Variants in MATN4 observed in about 807,000 individuals in gnomAD.
MATN4 encodes matrilin-4.
Under a neutral mutation model 54.6 loss-of-function variants are expected in MATN4, and 40 were observed. That is an observed-to-expected ratio of 0.73 (90% CI 0.57 to 0.95). The LOEUF is 0.95. Among genes scored for constraint, MATN4 ranks in the 40% least tolerant of loss-of-function variants. MATN4 has a pLI of 0.00. For synonymous variants in MATN4, 351 were observed against 345.3 expected (o/e 1.02, Z -0.18); for missense variants, 810 against 819.1 (o/e 0.99, Z 0.13).
chr20:45,296,107 C>T (rs573830862), intron 8 of MATN4, among the ~76,000 whole-genome samples: 5 of 149,624 alleles, frequency 3.3e-5, no homozygotes, highest in South Asian at 2.1e-4. Context: ...CCCAGCTACT[C>T]GAGAGGCTGA....
chr20:45,306,710 A>G (rs1228391206), intron 1 of MATN4: 1 of 406,946 alleles, frequency 2.5e-6, no homozygotes, highest in Non-Finnish European at 4.3e-6. Context: ...GGCGCCCGAG[A>G]TGGCAGGGGG....
At chr20:45,302,062 C>T (rs547018261) in intron 3 of MATN4, among the ~76,000 whole-genome samples, 44 of 151,972 alleles carry the variant, frequency 2.9e-4, no homozygotes, top group African/African-American at 9.9e-4. Context: ...TGTGTATGCC[C>T]CTGCATACAC....
chr20:45,305,805 C>CTTTTCTTTTTTTTTTTTTTTT, intron 1 of MATN4, among the ~76,000 whole-genome samples, 189 bp from the exon 2 acceptor site: 1 of 64,676 alleles, frequency 1.5e-5, no homozygotes, highest in Non-Finnish European at 2.6e-5. Flanking sequence ...ACAAGAGATT[C>CTTTTCTTTTTTTTTTTTTTTT]TTTTTTTTTT....
Position 45,293,706 on chromosome 20 carries a change from C to A in MATN4, c.*61G>T. The A allele has an allele frequency of 1.4e-6, 2 of 1,457,882 alleles. No homozygotes were observed. Among genetic ancestry groups the A allele is most frequent in the African/African-American group, 2.8e-5 (2 of 70,380 alleles). 90.3% of individuals were successfully genotyped at this position (1,457,882 alleles called of 1,614,324 possible). ...CTGCCTGGCCCCGGCGCACCGATGG[C>A]GCGCAAGGGGCACCGTCCGTGGTGC... is the stretch of plus-strand genomic sequence containing the variant. On this transcript the variant is annotated 3_prime_UTR_variant, in exon 10 of 10. Coordinates refer to ENST00000372756, the MANE Select transcript of MATN4 (RefSeq NM_001393530.1).
At chr20:45,308,440 A>C, upstream of MATN4, 1 of 581,414 alleles carries the variant, frequency 1.7e-6, no homozygotes, top group Admixed American at 3.0e-5. Flanking sequence ...CCCTGCTCCT[A>C]CCACGCTTGG....
Position 45,304,455 on chromosome 20 carries a change from G to A in MATN4, c.416C>T (p.Pro139Leu), listed in dbSNP as rs754925722. Residue 139 changes from proline (P) to leucine (L), a missense_variant, in exon 3 of 10, where the codon CCG becomes CTG. Physicochemically the swap from Pro to Leu is moderately conservative, Grantham distance 98. Coordinates refer to ENST00000372756, the MANE Select transcript of MATN4 (RefSeq NM_001393530.1). ...GTCTGTCACGATGACAGCGACACGC[G>A]GCACGCGCTCCTCTGGCGGTCGCGC... ...EGARPPEERV[P>L]RVAVIVTDGR... 1.3e-6 allele frequency: 2 copies of A among 1,559,800 alleles called. No individual in the cohort carries two copies. The highest frequency in any genetic ancestry group is 1.7e-6 in the Non-Finnish European group (2 of 1,146,360).
At chr20:45,296,581 C>T (rs551617778) in intron 8 of MATN4, among the ~76,000 whole-genome samples, 22 of 152,224 alleles carry the variant, frequency 1.4e-4, no homozygotes, top group African/African-American at 4.6e-4. Flanking sequence ...CCTTGGGCAG[C>T]CAGTGCCTCT....
Position 45,304,270 on chromosome 20 carries a change from G to A in MATN4, c.601C>T (p.Leu201Phe). Reference sequence around the variant, plus strand: ...AACTGCAGGCCGAACTCCTGGATGAGGTCGAAGGACTCTACGAGGAAGACG... The same window carrying A: ...AACTGCAGGCCGAACTCCTGGATGAAGTCGAAGGACTCTACGAGGAAGACG... Reference protein sequence around the residue: ...EHVFLVESFDLIQEFGLQFQS... With the variant: ...EHVFLVESFDFIQEFGLQFQS... The change falls in exon 3 of 10, where the codon CTC (leucine) becomes TTC (phenylalanine). Residue 201 changes from leucine to phenylalanine, a missense_variant. By Grantham distance (22) the Leu-to-Phe change is conservative. Coordinates refer to ENST00000372756, the MANE Select transcript of MATN4 (RefSeq NM_001393530.1). The A allele has an allele frequency of 6.4e-7, 1 of 1,553,626 alleles. No individual in the cohort carries two copies. Among genetic ancestry groups the A allele is most frequent in the Non-Finnish European group, 8.7e-7 (1 of 1,153,514 alleles).
In MATN4 at chr20:45,298,318, C is replaced by A; in HGVS notation, c.1278G>T (p.Leu426=). ...EYMERGTMTG[L]ALRHMVEHSF... ...TGTGCTCCACCATGTGCCGCAACGC[C>A]AGCCCTGTCATGGTGCCGCGTTCCA... The change falls in exon 7 of 10, where the codon CTG becomes CTT. Residue 426 remains leucine (L), a synonymous_variant. Transcript: ENST00000372756. The surrounding 1 kb of genome is among the most constrained non-coding windows in gnomAD (Gnocchi z 4.6). 6.2e-7 allele frequency: 1 copy of A among 1,613,598 alleles called. No individual in the cohort carries two copies. The highest frequency in any genetic ancestry group is 8.5e-7 in the Non-Finnish European group (1 of 1,179,916).
At position 45,298,401 on chromosome 20, in the gene MATN4, G is replaced by C; in HGVS notation, c.1195C>G (p.Leu399Val). 1 of 1,612,874 alleles carries C rather than the reference G, an allele frequency of 6.2e-7. No individual in the cohort carries two copies. The highest frequency in any genetic ancestry group is 1.1e-5 in the South Asian group (1 of 90,970). The change falls in exon 7 of 10, where the codon CTG becomes GTG. Residue 399 changes from leucine (L) to valine (V), a missense_variant. Transcript: ENST00000372756. This position sits in a 1 kb window ranked among gnomAD's most constrained non-coding sequence, Gnocchi z 4.6. ...TCGGCTGCGGTGCCGTAGCGACCCA[G>C]AGGGAACTCGGTGCGCACGCGGCTC... ...FSSRVRTEFPLGRYGTAAEVK... is the reference protein window; with the variant it reads ...FSSRVRTEFPVGRYGTAAEVK...
chr20:45,299,818 C>A (rs561756985), intron 6 of MATN4, among the ~76,000 whole-genome samples: 1 of 140,884 alleles, frequency 7.1e-6, no homozygotes, highest in Non-Finnish European at 1.5e-5. Flanking sequence ...GCAGAGGTTG[C>A]AGTGAGCCGA....
chr20:45,295,648 A>G (rs1463828173), intron 8 of MATN4, among the ~76,000 whole-genome samples: 1 of 152,006 alleles, frequency 6.6e-6, no homozygotes, highest in Non-Finnish European at 1.5e-5. Context: ...CGGCCTCCCA[A>G]AGTGCTGGGA....
At chr20:45,303,239 G>A in intron 3 of MATN4, 1 of 561,020 alleles carries the variant, frequency 1.8e-6, no homozygotes, top group Non-Finnish European at 3.3e-6. Flanking sequence ...GTGACCCCAG[G>A]CAATACCTTT....
At position 45,304,305 on chromosome 20, in the gene MATN4, A is replaced by G. The variant is rs1600700693; in HGVS notation, c.566T>C (p.Leu189Pro). ...GSLRAMASPP[L>P]DEHVFLVESF... The stretch of plus-strand genomic sequence containing the variant: ...CTCTACGAGGAAGACGTGCTCGTCT[A>G]GCGGGGGCGATGCCATGGCGCGCAG... Residue 189 changes from leucine (L) to proline (P), a missense_variant, in exon 3 of 10, where the codon CTA becomes CCA. Transcript: ENST00000372756. 6.5e-7 allele frequency: 1 copy of G among 1,537,940 alleles called. No homozygotes were observed. Among genetic ancestry groups the G allele is most frequent in the East Asian group, 2.4e-5 (1 of 42,156 alleles).
At chr20:45,297,147 A>C (rs1296548975) in intron 8 of MATN4, among the ~76,000 whole-genome samples, 1 of 85,112 alleles carries the variant, frequency 1.2e-5, no homozygotes, top group Non-Finnish European at 2.6e-5. Flanking sequence ...ACATATATCT[A>C]AAAAAAAAAA....
At chr20:45,297,096 T>C (rs1233899105) in intron 8 of MATN4, among the ~76,000 whole-genome samples, 2 of 151,086 alleles carry the variant, frequency 1.3e-5, no homozygotes, top group Non-Finnish European at 2.9e-5. Context: ...CCTCCCAGAG[T>C]GCTGGGATTA....
intron 1 of MATN4, 113 bp downstream of exon 1, chr20:45,308,062 G>A: frequency 2.1e-6 from 2 of 965,324 alleles, no homozygotes; most frequent in Admixed American, 2.0e-5. Flanking sequence ...GAAGGGCACT[G>A]CAAATCAGAT....
chr20:45,304,395 G>A lies in MATN4; in HGVS notation c.476C>T (p.Ala159Val). ...TTCAATGCCGCGGGCGCGCGCCTGT[G>A]CCGCCACCTCGGCCACGCGGTCCTG... ...RPQDRVAEVA[A>V]QARARGIEIY... The change falls in exon 3 of 10, where the codon GCA becomes GTA. Residue 159 changes from alanine (A) to valine (V), a missense_variant. Coordinates refer to ENST00000372756, the MANE Select transcript of MATN4 (RefSeq NM_001393530.1). 1 of 1,505,060 alleles carries A rather than the reference G, an allele frequency of 6.6e-7. No homozygotes were observed. The highest frequency in any genetic ancestry group is 8.9e-7 in the Non-Finnish European group (1 of 1,126,890). The allele number at this position is 1,505,060 out of a possible 1,614,324, so 93.2% of individuals were successfully genotyped here.
chr20:45,293,691 C>A lies in MATN4; in HGVS notation c.*76G>T. 12 of 1,393,326 alleles carry A rather than the reference C, an allele frequency of 8.6e-6. 1 individual carries two copies. The South Asian group carries it at 1.6e-4, about 19-fold the overall frequency. 86.3% of individuals were successfully genotyped at this position (1,393,326 alleles called of 1,614,324 possible). A position where few individuals can be genotyped will look rare whatever the true frequency, so the allele number is the denominator to read the frequency against. ...GGACGGGCCCAGGTTCTGCCTGGCCCCGGCGCACCGATGGCGCGCAAGGGG... is the reference window on the plus strand; with the variant it reads ...GGACGGGCCCAGGTTCTGCCTGGCCACGGCGCACCGATGGCGCGCAAGGGG... On this transcript the variant is annotated 3_prime_UTR_variant, in exon 10 of 10. Coordinates refer to ENST00000372756, the MANE Select transcript of MATN4 (RefSeq NM_001393530.1).
Sources: gnomAD v4.1 joint callset for allele counts (sites outside exome capture counted in the v4.1 genomes callset) on GRCh38, gnomAD v4.1.1 for gene constraint, Gnocchi (gnomAD v3.1) non-coding constraint, MANE v1.5 for transcripts, NCBI Gene and HGNC (gene_info 2026-07-23, HGNC 2026-07-21) for gene names.